TNFSF4: variants seen among roughly 807,000 people sequenced by gnomAD.
TNFSF4 encodes TNF superfamily member 4, also known as tumor necrosis factor ligand superfamily member 4.
In TNFSF4, 4 loss-of-function variants were observed where a neutral mutation model predicts 7.3. The ratio of observed to expected loss-of-function variants is 0.55; its 90% CI spans 0.27 to 1.25. The LOEUF (loss-of-function observed/expected upper bound fraction) is 1.25, where lower values mean the gene tolerates loss of function less well. Among genes scored for constraint, TNFSF4 ranks in the 50% most tolerant of loss-of-function variants. The probability of loss-of-function intolerance (pLI) is 0.12; values close to 1 mark genes in which losing one functional copy is unlikely to be tolerated. For synonymous variants in TNFSF4, 76 were observed against 83.7 expected, an observed-to-expected ratio of 0.91 and a Z score of 0.50; for missense variants, 181 against 208.8, an observed-to-expected ratio of 0.87 and a Z score of 0.82.
the TNFSF4 span, among the ~76,000 whole-genome samples, chr1:173,251,922 G>A: frequency 2.6e-5 from 4 of 152,106 alleles, no homozygotes; most frequent in Admixed American, 2.6e-4. Context: ...AAGAAACACA[G>A]GAACGTGTCC....
chr1:173,367,922 C>A, the TNFSF4 span, among the ~76,000 whole-genome samples: 1 of 152,188 alleles, frequency 6.6e-6, no homozygotes, highest in Non-Finnish European at 1.5e-5. Flanking sequence ...ACTTTTCTGT[C>A]TTACAAGAGG....
chr1:173,241,838 C>T, the TNFSF4 span, among the ~76,000 whole-genome samples: 1 of 152,114 alleles, frequency 6.6e-6, no homozygotes, highest in East Asian at 1.9e-4. Flanking sequence ...GAAGGTGAAA[C>T]CCATTAGGTG....
the TNFSF4 span, among the ~76,000 whole-genome samples, chr1:173,237,738 CTGCTCAA>C: frequency 1.3e-5 from 2 of 152,156 alleles, no homozygotes; most frequent in African/African-American, 4.8e-5. Flanking sequence ...TTACAAAACT[CTGCTCAA>C]AGAAATCAGA....
At chr1:173,393,845 T>C in the TNFSF4 span, among the ~76,000 whole-genome samples, 1 of 152,234 alleles carries the variant, frequency 6.6e-6, no homozygotes, top group African/African-American at 2.4e-5. Context: ...GAAACATCTG[T>C]ACTTTCAATG....
the TNFSF4 span, among the ~76,000 whole-genome samples, chr1:173,244,825 T>C: frequency 6.6e-6 from 1 of 152,100 alleles, no homozygotes; most frequent in Non-Finnish European, 1.5e-5. Context: ...TTTTTGCAGA[T>C]TGTGTGCTTG....
At chr1:173,376,977 C>T in the TNFSF4 span, among the ~76,000 whole-genome samples, 2 of 152,112 alleles carry the variant, frequency 1.3e-5, no homozygotes, top group Non-Finnish European at 2.9e-5. Flanking sequence ...CGAGGATCTG[C>T]GGCTTCACTC....
the TNFSF4 span, among the ~76,000 whole-genome samples, chr1:173,416,516 G>A: frequency 6.6e-6 from 1 of 152,042 alleles, no homozygotes; most frequent in Non-Finnish European, 1.5e-5. Context: ...AGGGCCCAAG[G>A]GTCTCCCAGC....
At chr1:173,305,896 C>T in the TNFSF4 span, among the ~76,000 whole-genome samples, 1 of 151,844 alleles carries the variant, frequency 6.6e-6, no homozygotes, top group Non-Finnish European at 1.5e-5. Context: ...TTAAAAGTCC[C>T]TCCCTCAACA....
chr1:173,282,801 A>G, the TNFSF4 span, among the ~76,000 whole-genome samples: 2 of 152,326 alleles, frequency 1.3e-5, no homozygotes, highest in Non-Finnish European at 2.9e-5. Context: ...TAGCTTAAAC[A>G]TGTGATGACT....
chr1:173,315,797 C>A, the TNFSF4 span, among the ~76,000 whole-genome samples: 1 of 152,062 alleles, frequency 6.6e-6, no homozygotes, highest in African/African-American at 2.4e-5. Context: ...TGGATATTAG[C>A]CCCTTAACAG....
the TNFSF4 span, among the ~76,000 whole-genome samples, chr1:173,212,578 C>CA: frequency 0.019 from 1,428 of 73,404 alleles, 9 homozygotes; most frequent in African/African-American, 0.049. Flanking sequence ...TTAGTGGGTA[C>CA]AAAAAAAAAA....
chr1:173,407,361 A>AC, the TNFSF4 span, among the ~76,000 whole-genome samples: 1 of 151,758 alleles, frequency 6.6e-6, no homozygotes, highest in Non-Finnish European at 1.5e-5. Context: ...ATCACTTGAG[A>AC]CCACCCTAGG....
chr1:173,286,214 C>A, the TNFSF4 span, among the ~76,000 whole-genome samples: 5 of 152,264 alleles, frequency 3.3e-5, no homozygotes, highest in Middle Eastern at 3.4e-3. Context: ...AACTTAAGAA[C>A]CCAGCTAAGA....
chr1:173,394,486 T>C, the TNFSF4 span, among the ~76,000 whole-genome samples: 1 of 152,184 alleles, frequency 6.6e-6, no homozygotes, highest in Non-Finnish European at 1.5e-5. Flanking sequence ...CGGCTAAACA[T>C]TATTTCTGGG....
At chr1:173,333,294 G>C in the TNFSF4 span, among the ~76,000 whole-genome samples, 2 of 144,794 alleles carry the variant, frequency 1.4e-5, no homozygotes, top group Admixed American at 1.4e-4. Context: ...CCCTAATGTG[G>C]ACGGGCCCCA....
At chr1:173,231,725 G>A in the TNFSF4 span, among the ~76,000 whole-genome samples, 1 of 152,104 alleles carries the variant, frequency 6.6e-6, no homozygotes, top group Admixed American at 6.6e-5. Context: ...CATCATCTCA[G>A]CCCAAAATCT....
At chr1:173,173,876 C>T in the TNFSF4 span, among the ~76,000 whole-genome samples, 1 of 152,226 alleles carries the variant, frequency 6.6e-6, no homozygotes, top group Non-Finnish European at 1.5e-5. Flanking sequence ...AGGTCTCCGA[C>T]ATGCCCTGGA....
the TNFSF4 span, among the ~76,000 whole-genome samples, chr1:173,312,868 C>G: frequency 6.6e-6 from 1 of 152,068 alleles, no homozygotes; most frequent in Non-Finnish European, 1.5e-5. Flanking sequence ...GGATCCAGGC[C>G]CTGAGGCTTG....
the TNFSF4 span, among the ~76,000 whole-genome samples, chr1:173,253,075 G>T: frequency 6.6e-6 from 1 of 152,032 alleles, no homozygotes; most frequent in African/African-American, 2.4e-5. Flanking sequence ...CAGAATTTTT[G>T]GCTGACCCTT....
Sources: allele counts gnomAD v4.1 joint callset (sites outside exome capture counted in the v4.1 genomes callset), GRCh38; gene constraint gnomAD v4.1.1; transcripts MANE v1.5; gene names NCBI Gene and HGNC (gene_info 2026-07-23, HGNC 2026-07-21).